The following LCORL variants were observed in gnomAD, a reference collection of about 807,000 sequenced individuals.
LCORL encodes the protein ligand-dependent nuclear receptor corepressor-like protein.
In LCORL, 41 loss-of-function variants were observed where a neutral mutation model predicts 141.8. The observed-to-expected ratio is 0.29, with a 90% CI of 0.23 to 0.38. LCORL has a LOEUF of 0.38. LCORL is among the 10% of genes least tolerant of loss of function. The pLI is 1.00. For missense variants in LCORL, 1,759 were observed against 2,035.0 expected, an observed-to-expected ratio of 0.86 and a Z score of 2.61; for synonymous variants, 618 against 694.1, an observed-to-expected ratio of 0.89 and a Z score of 1.72.
chr4:17,993,124 C>G (rs578091150), intron 1 of LCORL, among the ~76,000 whole-genome samples: 1 of 152,282 alleles, frequency 6.6e-6, no homozygotes, highest in South Asian at 2.1e-4. Context: ...AGAGCACTAT[C>G]CAATAAAATT....
rs564648330 is a variant in LCORL at position 17,891,573 on chromosome 4, C to T, written c.683-5412G>A. ...TGTTTGAGAATTAGATTTAACACTG[C>T]CAGTAAGGCATTAATAAAGCATGAA... On this transcript the variant is annotated intron_variant, in intron 5 of 7. Coordinates refer to ENST00000635767, the Ensembl canonical transcript of LCORL. 6.1e-3 allele frequency among the ~76,000 whole-genome samples: 933 copies of T among 152,134 alleles called. 14 individuals carry two copies. Among genetic ancestry groups the T allele is most frequent in the African/African-American group, 0.021 (891 of 41,520 alleles).
intron 4 of LCORL, among the ~76,000 whole-genome samples, chr4:17,913,835 T>G (rs954683164): frequency 6.6e-6 from 1 of 152,238 alleles, no homozygotes; most frequent in South Asian, 2.1e-4. Context: ...AAAAATTGCA[T>G]TGACATGGTT....
intron 4 of LCORL, among the ~76,000 whole-genome samples, chr4:17,941,961 C>T (rs1738050703): frequency 6.6e-6 from 1 of 151,942 alleles, no homozygotes; most frequent in Non-Finnish European, 1.5e-5. Flanking sequence ...ATCACAGCCA[C>T]TTTCAACACA....
At chr4:17,921,898 T>A (rs539214795) in intron 4 of LCORL, among the ~76,000 whole-genome samples, 1 of 152,306 alleles carries the variant, frequency 6.6e-6, no homozygotes, top group East Asian at 1.9e-4. Context: ...TCGCGCTGGA[T>A]GCTTCCTGCC....
intron 5 of LCORL, among the ~76,000 whole-genome samples, chr4:17,906,079 A>G (rs1227789912): frequency 6.6e-6 from 1 of 152,230 alleles, no homozygotes; most frequent in East Asian, 1.9e-4. Flanking sequence ...AAAATTGTTT[A>G]TAACAACTTT....
chr4:17,961,985 C>T, exon 4 of LCORL: 1 of 1,609,258 alleles, frequency 6.2e-7, no homozygotes, highest in Non-Finnish European at 8.5e-7. Context: ...GAGATGATAG[C>T]TCCTCTGTTG....
chr4:17,939,575 A>T (rs1737497848), intron 4 of LCORL, among the ~76,000 whole-genome samples: 1 of 152,124 alleles, frequency 6.6e-6, no homozygotes, highest in Admixed American at 6.5e-5. Context: ...CTTTCAGAGA[A>T]AGTAGTAAGA....
exon 8 of LCORL, chr4:17,844,450 AAAGT>A (rs1722729069): frequency 6.6e-6 from 1 of 152,438 alleles, no homozygotes; most frequent in Non-Finnish European, 1.5e-5. Context: ...AGATGGAGCT[AAAGT>A]AAGATCACTG....
At chr4:17,915,342 T>G (rs948849464) in intron 4 of LCORL, among the ~76,000 whole-genome samples, 26 of 152,162 alleles carry the variant, frequency 1.7e-4, no homozygotes, top group African/African-American at 6.3e-4. Context: ...CATGAACAAG[T>G]GAGCCAAAAC....
At chr4:18,005,582 A>C (rs1722665118) in intron 1 of LCORL, among the ~76,000 whole-genome samples, 1 of 152,226 alleles carries the variant, frequency 6.6e-6, no homozygotes, top group Admixed American at 6.5e-5. Flanking sequence ...CTGCCTGTGC[A>C]TCCAGGCATT....
chr4:17,934,408 A>C (rs1027117806), intron 4 of LCORL, among the ~76,000 whole-genome samples: 1 of 152,230 alleles, frequency 6.6e-6, no homozygotes, highest in Non-Finnish European at 1.5e-5. Flanking sequence ...ACAAAACAAA[A>C]AATTGAATTA....
At chr4:17,956,293 A>C (rs1712612074) in intron 4 of LCORL, among the ~76,000 whole-genome samples, 1 of 152,152 alleles carries the variant, frequency 6.6e-6, no homozygotes, top group African/African-American at 2.4e-5. Context: ...ACAATCTAGC[A>C]ACCCCACTAC....
intron 1 of LCORL, among the ~76,000 whole-genome samples, chr4:17,992,444 T>C (rs1720192408): frequency 1.3e-5 from 2 of 152,202 alleles, no homozygotes; most frequent in African/African-American, 4.8e-5. Flanking sequence ...CTGCTTGTCA[T>C]AATGCTATTT....
At chr4:17,978,710 T>C (rs1478958326) in intron 1 of LCORL, among the ~76,000 whole-genome samples, 4 of 152,040 alleles carry the variant, frequency 2.6e-5, no homozygotes, top group South Asian at 2.1e-4. Context: ...TTCCAGAAAC[T>C]GCTTTCCCAA....
intron 4 of LCORL, among the ~76,000 whole-genome samples, chr4:17,919,523 A>G (rs1733970243): frequency 1.3e-5 from 2 of 152,238 alleles, no homozygotes; most frequent in Non-Finnish European, 2.9e-5. Flanking sequence ...TGAGTATTGC[A>G]ATAAAGACAG....
rs1345300042 is a variant in LCORL, at chr4:18,021,574, G to C, written c.154+24C>G. 5 of 1,509,382 alleles carry C rather than the reference G, an allele frequency of 3.3e-6. No individual in the cohort carries two copies. The highest frequency in any genetic ancestry group is 1.5e-5 in the African/African-American group (1 of 68,516). 93.5% of individuals were successfully genotyped at this position (1,509,382 alleles called of 1,614,324 possible). On this transcript the variant is annotated intron_variant, in intron 1 of 7. Transcript: ENST00000635767. The surrounding 1 kb of genome is among the most constrained non-coding windows in gnomAD (Gnocchi z 5.5). ...ACAGCGGTCGCCGCGCGGAGCCCGGGGCCCCGGCCCGCGTCTCTCTTACCT... is the reference window on the plus strand; with the variant it reads ...ACAGCGGTCGCCGCGCGGAGCCCGGCGCCCCGGCCCGCGTCTCTCTTACCT...
chr4:17,884,223 T>A lies in LCORL; in HGVS notation c.776+1845A>T. The A allele has an allele frequency of 1.3e-5, 20 of 1,549,976 alleles. No homozygotes were observed. Among genetic ancestry groups the A allele is most frequent in the Non-Finnish European group, 1.7e-5 (20 of 1,146,194 alleles). The stretch of plus-strand genomic sequence containing the variant: ...GAAGAGGTTTTGGAAACTTGATACA[T>A]AACATCCAACAGACCAGAACCATCA... On this transcript the variant is annotated intron_variant, in intron 6 of 7. Transcript: ENST00000635767. This position sits in a 1 kb window ranked among gnomAD's most constrained non-coding sequence, Gnocchi z 4.4.
intron 1 of LCORL, among the ~76,000 whole-genome samples, chr4:18,005,954 A>T (rs1722739845): frequency 6.6e-6 from 1 of 152,106 alleles, no homozygotes; most frequent in South Asian, 2.1e-4. Context: ...TACTCACGCA[A>T]ATTTCTGCAG....
intron 5 of LCORL, among the ~76,000 whole-genome samples, chr4:17,905,434 G>A (rs1000103235): frequency 6.6e-6 from 1 of 151,776 alleles, no homozygotes; most frequent in Non-Finnish European, 1.5e-5. Context: ...TACTCAATTT[G>A]CTGATATTTA....
Sources: allele counts gnomAD v4.1 joint callset (sites outside exome capture counted in the v4.1 genomes callset), GRCh38; gene constraint gnomAD v4.1.1; non-coding constraint Gnocchi (gnomAD v3.1); transcripts MANE v1.5; gene names NCBI Gene and HGNC (gene_info 2026-07-23, HGNC 2026-07-21).